The following HNRNPK variants were observed in gnomAD, a reference collection of about 807,000 sequenced individuals.
HNRNPK encodes the protein heterogeneous nuclear ribonucleoprotein K, also known as dC-stretch binding protein.
HNRNPK carries 7 observed loss-of-function variants against 67.0 expected under a neutral mutation model. The observed-to-expected ratio is 0.10, with a 90% CI of 0.06 to 0.20. The LOEUF is 0.20. HNRNPK is among the 10% of genes least tolerant of loss of function. The pLI, the probability that HNRNPK is intolerant of heterozygous loss-of-function variation, is 1.00. For missense variants in HNRNPK, 264 were observed against 606.5 expected (o/e 0.44, Z 5.93); for synonymous variants, 213 against 193.7 (o/e 1.10, Z -0.83).
Position 83,969,043 on chromosome 9 carries a change from T to G in HNRNPK, c.*364A>C. 10 of 396,864 alleles carry G rather than the reference T, an allele frequency of 2.5e-5. No homozygotes were observed. Among genetic ancestry groups the G allele is most frequent in the Non-Finnish European group, 3.2e-5 (7 of 220,458 alleles). The allele number at this position is 396,864 out of a possible 1,614,324, so 24.6% of individuals were successfully genotyped here. On this transcript the variant is annotated 3_prime_UTR_variant, in exon 17 of 17. Transcript: ENST00000376263. The stretch of plus-strand genomic sequence containing the variant: ...TTTCCTCCCTGTCCCACCCCCCAAA[T>G]GTTACAGTGACCACAAAGCAAGGTG...
chr9:83,969,149 CAA>C lies in HNRNPK; in HGVS notation c.*256_*257del. On this transcript the variant is annotated 3_prime_UTR_variant, in exon 17 of 17. Transcript: ENST00000376263. ...AAATCCACTCACTCTGCTGCTGTTT[CAA>C]AATTTCAATGTTAGTTTTTGCACGC... is the stretch of plus-strand genomic sequence containing the variant. The C allele has an allele frequency of 1.9e-6, 1 of 519,576 alleles. No homozygotes were observed. The highest frequency in any genetic ancestry group is 3.4e-6 in the Non-Finnish European group (1 of 291,794). 32.2% of individuals were successfully genotyped at this position (519,576 alleles called of 1,614,324 possible).
chr9:83,971,494 A>G, intron 12 of HNRNPK, 138 bp from the exon 13 acceptor site: 2 of 797,422 alleles, frequency 2.5e-6, no homozygotes, highest in South Asian at 1.6e-5. Context: ...CGAGGGGAAC[A>G]AAGCTCAATA....
At chr9:83,970,393 T>A in intron 15 of HNRNPK, 62 bp from the exon 16 acceptor site, 1 of 1,272,194 alleles carries the variant, frequency 7.9e-7, no homozygotes, top group Non-Finnish European at 1.1e-6. Context: ...TACCTGTATT[T>A]TCAAGGAGCA....
In HNRNPK at chr9:83,978,358, G is replaced by A; in HGVS notation, c.-28+15C>T. The A allele has an allele frequency of 2.6e-6, 4 of 1,509,990 alleles. No individual in the cohort carries two copies. Among genetic ancestry groups the A allele is most frequent in the Admixed American group, 2.4e-5 (1 of 42,356 alleles). The allele number at this position is 1,509,990 out of a possible 1,614,324, so 93.5% of individuals were successfully genotyped here. On this transcript the variant is annotated intron_variant, in intron 2 of 16. Transcript: ENST00000376263. ...AAAAAAAAAAAAAAAAAAAGACATTGCTTCTAGAACGTACCAGTTATTATA... is the reference window on the plus strand; with the variant it reads ...AAAAAAAAAAAAAAAAAAAGACATTACTTCTAGAACGTACCAGTTATTATA...
At position 83,978,237 on chromosome 9, in the gene HNRNPK, G is replaced by A. The variant is rs150076109; in HGVS notation, c.16C>T (p.Pro6Ser). Residue 6 changes from proline (P) to serine (S), a missense_variant, in exon 3 of 17, where the codon CCA (proline) becomes TCA (serine). Coordinates refer to ENST00000376263, the MANE Select transcript of HNRNPK (RefSeq NM_031263.4). Reference sequence around the variant, plus strand: ...TCAGTGTTAGGGAAGGTTTCTTCTGGCTGTTCAGTTTCCATATTCTTTTAT... The same window carrying A: ...TCAGTGTTAGGGAAGGTTTCTTCTGACTGTTCAGTTTCCATATTCTTTTAT... METEQ[P>S]EETFPNTETN... The A allele has an allele frequency of 1.4e-5, 22 of 1,612,126 alleles. No homozygotes were observed. In the African/African-American group the frequency reaches 2.9e-4, roughly 22 times the overall value.
chr9:83,969,624 T>TA, intron 16 of HNRNPK, 184 bp from the exon 17 acceptor site: 4 of 623,212 alleles, frequency 6.4e-6, no homozygotes, highest in South Asian at 3.9e-5. Flanking sequence ...TGATGAGTAG[T>TA]AAATCGGACA....
intron 7 of HNRNPK, among the ~76,000 whole-genome samples, 188 bp from the exon 8 acceptor site, chr9:83,974,161 G>A (rs941743201): frequency 2.0e-5 from 3 of 151,996 alleles, no homozygotes; most frequent in African/African-American, 7.2e-5. Flanking sequence ...AGTGAATTAT[G>A]TAGAGTCTTA....
Position 83,975,500 on chromosome 9 carries a change from A to G in HNRNPK, c.219T>C (p.Asn73=). 1 of 1,613,442 alleles carries G rather than the reference A, an allele frequency of 6.2e-7. No individual in the cohort carries two copies. The highest frequency in any genetic ancestry group is 8.5e-7 in the Non-Finnish European group (1 of 1,179,326). Residue 73 remains asparagine, a synonymous_variant, in exon 6 of 17, where the codon AAT becomes AAC. Coordinates refer to ENST00000376263, the MANE Select transcript of HNRNPK (RefSeq NM_031263.4). ...KNIKALRTDY[N]ASVSVPDSSG... ...TGCTGTCTGGGACTGAAACACTGGC[A>G]TTGTACTGCATTGGTCATTGGCGTT...
At chr9:83,979,730 C>T (rs1957282559) in intron 1 of HNRNPK, among the ~76,000 whole-genome samples, 1 of 151,896 alleles carries the variant, frequency 6.6e-6, no homozygotes, top group African/African-American at 2.4e-5. Flanking sequence ...CCCGCATCCT[C>T]CCCCCACTGC....
chr9:83,970,454 C>T (rs1956775263), intron 15 of HNRNPK, 123 bp from the exon 16 acceptor site: 5 of 768,950 alleles, frequency 6.5e-6, no homozygotes, highest in Non-Finnish European at 1.0e-5. Flanking sequence ...ATCTAACGCT[C>T]CCTAAACCTG....
chr9:83,971,167 A>G, intron 13 of HNRNPK, 106 bp downstream of exon 13: 1 of 884,632 alleles, frequency 1.1e-6, no homozygotes, highest in South Asian at 1.3e-5. Context: ...GTCCTCCTGT[A>G]TCCTATTTTC....
intron 4 of HNRNPK, 55 bp from the exon 5 acceptor site, chr9:83,977,106 T>A (rs1957102007): frequency 1.7e-6 from 2 of 1,206,614 alleles, no homozygotes; most frequent in Non-Finnish European, 2.5e-6. Context: ...AATTAATAGC[T>A]ACCTACGCTC....
At chr9:83,969,858 T>A (rs781265319) in intron 16 of HNRNPK, 1 of 610,902 alleles carries the variant, frequency 1.6e-6, no homozygotes, top group East Asian at 3.7e-5. Context: ...CAACATCCAA[T>A]GAATCTTCTA....
In HNRNPK at chr9:83,971,897, G is replaced by A. The variant is rs1956862890; in HGVS notation, c.938C>T (p.Pro313Leu). The part of the protein sequence containing the change: ...RARNLPLPPP[P>L]PPRGGDLMAY... Reference sequence around the variant, plus strand: ...AACAACTTACCCCCCTCTAGGTGGTGGTGGTGGAGGAAGAGGAAGATTCCG... The same window carrying A: ...AACAACTTACCCCCCTCTAGGTGGTAGTGGTGGAGGAAGAGGAAGATTCCG... Residue 313 changes from proline to leucine, a missense_variant, in exon 11 of 17, where the codon CCA becomes CTA. By Grantham distance (98) the Pro-to-Leu change is moderately conservative. Transcript: ENST00000376263. 6 of 1,558,602 alleles carry A rather than the reference G, an allele frequency of 3.8e-6. No homozygotes were observed. The highest frequency in any genetic ancestry group is 5.2e-6 in the Non-Finnish European group (6 of 1,153,598).
Position 83,972,966 on chromosome 9 carries a change from G to T in HNRNPK, c.523C>A (p.Gln175Lys). Residue 175 changes from glutamine (Q) to lysine (K), a missense_variant, in exon 10 of 17, where the codon CAA (glutamine) becomes AAA (lysine). Around this residue, in one of 6 missense-constraint regions of HNRNPK, gnomAD observed 18 missense variants for 84.5 expected, o/e 0.21. Transcript: ENST00000376263. ...TCCTGGAAAAGCTTGATGGTGGTTT[G>T]AGTGTTCTGTAGTAAGATCATAAAA... ...AKIKELRENTQTTIKLFQECC... is the reference protein window; with the variant it reads ...AKIKELRENTKTTIKLFQECC... The T allele has an allele frequency of 1.2e-6, 2 of 1,604,074 alleles. No individual in the cohort carries two copies. Among genetic ancestry groups the T allele is most frequent in the Non-Finnish European group, 1.7e-6 (2 of 1,172,636 alleles).
At chr9:83,976,704 C>T (rs1157271517) in intron 5 of HNRNPK, 1 of 261,244 alleles carries the variant, frequency 3.8e-6, no homozygotes, top group Non-Finnish European at 7.2e-6. Context: ...GATTTTTACA[C>T]TTTGTCGCTA....
chr9:83,973,031 T>C lies in HNRNPK; in HGVS notation c.517-59A>G, dbSNP rs1418761684. The C allele has an allele frequency of 4.7e-6, 6 of 1,273,630 alleles. No homozygotes were observed. The African/African-American group carries it at 9.1e-5, about 19-fold the overall frequency. 78.9% of individuals were successfully genotyped at this position (1,273,630 alleles called of 1,614,324 possible). ...TTAGAAGAAAATTAGCTTTCCTAGG[T>C]TCAGTGAAAATTGCATTTGAATTCA... is the stretch of plus-strand genomic sequence containing the variant. On this transcript the variant is annotated intron_variant, in intron 9 of 16. Coordinates refer to ENST00000376263, the MANE Select transcript of HNRNPK (RefSeq NM_031263.4).
At chr9:83,977,863 T>A in intron 3 of HNRNPK, 77 bp from the exon 4 acceptor site, 1 of 901,084 alleles carries the variant, frequency 1.1e-6, no homozygotes, top group South Asian at 1.4e-5. Context: ...AAGAGACTTG[T>A]TGCTAATCTT....
At chr9:83,970,403 A>T (rs1326399596) in intron 15 of HNRNPK, 72 bp from the exon 16 acceptor site, 2 of 1,188,782 alleles carry the variant, frequency 1.7e-6, no homozygotes, top group South Asian at 2.9e-5. Flanking sequence ...TTCAAGGAGC[A>T]TGAAGTTATT....
Sources: gnomAD v4.1 joint callset for allele counts (sites outside exome capture counted in the v4.1 genomes callset) on GRCh38, gnomAD v4.1.1 for gene constraint, gnomAD v4.1.1 regional missense constraint, MANE v1.5 for transcripts, NCBI Gene and HGNC (gene_info 2026-07-23, HGNC 2026-07-21) for gene names.